Variants in NAV2 observed in about 807,000 individuals in gnomAD.
NAV2 encodes the protein helicase, APC down-regulated 1.
A neutral mutation model predicts 223.2 loss-of-function variants in NAV2; 54 were observed. The ratio of observed to expected loss-of-function variants is 0.24; its 90% CI spans 0.19 to 0.30. The LOEUF (loss-of-function observed/expected upper bound fraction) is 0.30, where lower values mean the gene tolerates loss of function less well. NAV2 is among the 10% of genes least tolerant of loss of function. The pLI is 1.00. For synonymous variants in NAV2, 1,279 were observed against 1,239.3 expected (o/e 1.03, Z -0.67); for missense variants, 2,806 against 3,147.5 (o/e 0.89, Z 2.60).
At chr11:19,391,171 T>C (rs1849233588) in intron 1 of NAV2, among the ~76,000 whole-genome samples, 1 of 152,158 alleles carries the variant, frequency 6.6e-6, no homozygotes, top group Non-Finnish European at 1.5e-5. Context: ...TCATTCTGAT[T>C]AAACCTCACC....
At chr11:19,689,992 C>T (rs541292956) in intron 1 of NAV2, among the ~76,000 whole-genome samples, 2 of 152,258 alleles carry the variant, frequency 1.3e-5, no homozygotes, top group South Asian at 2.1e-4. Flanking sequence ...TTTTTTGAGA[C>T]AGAGTTTCGC....
chr11:19,748,484 A>G lies in NAV2; in HGVS notation c.267+34522A>G, dbSNP rs140130358. Among the ~76,000 whole-genome samples the G allele has an allele frequency of 7.2e-3, 1,103 of 152,234 alleles. 6 individuals carry two copies. The highest frequency in any genetic ancestry group is 0.024 in the Middle Eastern group (7 of 294). ...CTTCTCACTATTTAATCTTTTTTGA[A>G]TCTCATTTTCCTTACCTGTAAACTA... On this transcript the variant is annotated intron_variant, in intron 1 of 37. Transcript: ENST00000349880.
intron 1 of NAV2, among the ~76,000 whole-genome samples, chr11:19,389,984 A>G (rs1030894073): frequency 6.6e-6 from 1 of 152,166 alleles, no homozygotes; most frequent in Non-Finnish European, 1.5e-5. Context: ...GACCCTAGCC[A>G]TGTGATATTT....
chr11:19,410,121 G>C (rs79737223), intron 1 of NAV2, among the ~76,000 whole-genome samples: 29,671 of 152,144 alleles, frequency 0.2, 3,663 homozygotes, highest in Non-Finnish European at 0.27. Flanking sequence ...CCCTGCTTCA[G>C]GGGGGCAGAC....
At chr11:19,411,222 C>G (rs1025519586) in intron 1 of NAV2, among the ~76,000 whole-genome samples, 5 of 152,174 alleles carry the variant, frequency 3.3e-5, no homozygotes, top group African/African-American at 1.2e-4. Flanking sequence ...ACTACCACTG[C>G]ATTAGCAGCA....
At chr11:20,080,496 A>G (rs1198144967) in intron 25 of NAV2, among the ~76,000 whole-genome samples, 1 of 152,158 alleles carries the variant, frequency 6.6e-6, no homozygotes, top group Non-Finnish European at 1.5e-5. Context: ...TTTCTTCCTC[A>G]TTATATGTTG....
intron 6 of NAV2, among the ~76,000 whole-genome samples, chr11:19,932,257 A>AAAAAAAAAAAAAAAAAAAAAAAAG (rs1555153008): frequency 1.0e-5 from 1 of 100,006 alleles, no homozygotes; most frequent in Non-Finnish European, 2.0e-5. Flanking sequence ...AAAAAAAAAA[A>AAAAAAAAAAAAAAAAAAAAAAAAG]AAAGAAAGAA....
chr11:19,776,595 TGTGTGTGTGTGTGG>T (rs2152635538), intron 1 of NAV2, among the ~76,000 whole-genome samples: 1 of 142,966 alleles, frequency 7.0e-6, no homozygotes, highest in South Asian at 2.3e-4. Context: ...TGTGTGTGTG[TGTGTGTGTGTGTGG>T]TTAGAGTTGT....
At chr11:19,704,585 G>A (rs1022581694) in intron 1 of NAV2, among the ~76,000 whole-genome samples, 5 of 152,190 alleles carry the variant, frequency 3.3e-5, no homozygotes, top group Non-Finnish European at 5.9e-5. Context: ...ATTGTTGTGA[G>A]CATGAGAAAT....
At chr11:19,974,543 T>C (rs1445614996) in intron 10 of NAV2, among the ~76,000 whole-genome samples, 9 of 152,208 alleles carry the variant, frequency 5.9e-5, no homozygotes, top group Non-Finnish European at 4.4e-5. Context: ...CCCAACACTT[T>C]GGAGGCTGAT....
At chr11:20,069,598 C>T (rs2059271422) in intron 22 of NAV2, among the ~76,000 whole-genome samples, 1 of 152,126 alleles carries the variant, frequency 6.6e-6, no homozygotes, top group Non-Finnish European at 1.5e-5. Context: ...GGATGAAGCT[C>T]AGAGGGCAGA....
rs758166138 is a variant in NAV2 at position 19,933,157 on chromosome 11, C to A, written c.932-19C>A. ...GGTCAACAAGTATGATTCAGGCCTCCTCTCTTCTGTCTCTGCAGAGCCTTT... is the reference window on the plus strand; with the variant it reads ...GGTCAACAAGTATGATTCAGGCCTCATCTCTTCTGTCTCTGCAGAGCCTTT... On this transcript the variant is annotated intron_variant, in intron 6 of 37. Transcript: ENST00000349880. This position sits in a 1 kb window ranked among gnomAD's most constrained non-coding sequence, Gnocchi z 4.3. 6.6e-7 allele frequency: 1 copy of A among 1,506,470 alleles called. No homozygotes were observed. Among genetic ancestry groups the A allele is most frequent in the African/African-American group, 1.4e-5 (1 of 71,722 alleles). 93.3% of individuals were successfully genotyped at this position (1,506,470 alleles called of 1,614,324 possible). A position where few individuals can be genotyped will look rare whatever the true frequency, so the allele number is the denominator to read the frequency against.
At chr11:20,113,504 T>A (rs998117253) in intron 36 of NAV2, among the ~76,000 whole-genome samples, 1 of 152,208 alleles carries the variant, frequency 6.6e-6, no homozygotes, top group Non-Finnish European at 1.5e-5. Context: ...ATGGTGTTGA[T>A]CTTACCATAA....
Position 19,855,370 on chromosome 11 carries a change from C to A in NAV2, c.438+12447C>A, listed in dbSNP as rs75936764. Among the ~76,000 whole-genome samples, 585 of 152,308 alleles carry A rather than the reference C, an allele frequency of 3.8e-3. 6 individuals carry two copies. Among genetic ancestry groups the A allele is most frequent in the African/African-American group, 0.013 (550 of 41,564 alleles). On this transcript the variant is annotated intron_variant, in intron 3 of 37. Transcript: ENST00000349880. Reference sequence around the variant, plus strand: ...CCTGAGAAATCCACAATTCCCTAGACTTTCCACCTGGTCATTCGAAATCCT... The same window carrying A: ...CCTGAGAAATCCACAATTCCCTAGAATTTCCACCTGGTCATTCGAAATCCT...
At chr11:19,513,691 C>T (rs576322219) in intron 1 of NAV2, among the ~76,000 whole-genome samples, 1 of 152,322 alleles carries the variant, frequency 6.6e-6, no homozygotes, top group South Asian at 2.1e-4. Context: ...ACCCCTAATT[C>T]CTCAGAATGT....
intron 3 of NAV2, among the ~76,000 whole-genome samples, chr11:19,852,914 T>C (rs1047719968): frequency 6.6e-6 from 1 of 152,214 alleles, no homozygotes; most frequent in African/African-American, 2.4e-5. Flanking sequence ...CTGTGTAAGT[T>C]TAAGTGCTCT....
chr11:19,980,813 C>T (rs2050224777), intron 10 of NAV2, among the ~76,000 whole-genome samples: 1 of 151,992 alleles, frequency 6.6e-6, no homozygotes. Context: ...GTTTGTAAAT[C>T]ATTGTAATTG....
chr11:20,028,705 C>T (rs969102043), intron 11 of NAV2, among the ~76,000 whole-genome samples: 15 of 152,066 alleles, frequency 9.9e-5, no homozygotes, highest in African/African-American at 3.1e-4. Context: ...CCTTTCCATC[C>T]GGGGGAAAAT....
intron 6 of NAV2, among the ~76,000 whole-genome samples, chr11:19,911,220 T>A (rs1439798577): frequency 1.3e-5 from 2 of 152,056 alleles, no homozygotes; most frequent in Non-Finnish European, 2.9e-5. Flanking sequence ...ACTTGTAATA[T>A]CCTGTGATAA....
Sources: gnomAD v4.1 joint callset for allele counts (sites outside exome capture counted in the v4.1 genomes callset) on GRCh38, gnomAD v4.1.1 for gene constraint, Gnocchi (gnomAD v3.1) non-coding constraint, MANE v1.5 for transcripts, NCBI Gene and HGNC (gene_info 2026-07-23, HGNC 2026-07-21) for gene names.